RBKS: variants seen among roughly 807,000 people sequenced by gnomAD.
RBKS encodes the protein ribokinase.
RBKS carries 33 observed loss-of-function variants against 33.9 expected under a neutral mutation model. The observed-to-expected ratio is 0.97, with a 90% CI of 0.74 to 1.30. The LOEUF is 1.30. RBKS is among the 50% of genes most tolerant of loss of function. The pLI, the probability that RBKS is intolerant of heterozygous loss-of-function variation, is 0.00. For missense variants in RBKS, 361 were observed against 392.6 expected, an observed-to-expected ratio of 0.92 and a Z score of 0.68; for synonymous variants, 125 against 143.0, an observed-to-expected ratio of 0.87 and a Z score of 0.90.
intron 1 of RBKS, 52 bp from the exon 2 acceptor site, chr2:27,858,623 T>A (rs771689649): frequency 6.5e-7 from 1 of 1,534,348 alleles, no homozygotes; most frequent in South Asian, 1.1e-5. Flanking sequence ...CTGTAATCAA[T>A]TTAAGTTCTT....
At chr2:27,830,664 T>C (rs1405291400) in intron 6 of RBKS, among the ~76,000 whole-genome samples, 1 of 151,936 alleles carries the variant, frequency 6.6e-6, no homozygotes, top group African/African-American at 2.4e-5. Context: ...TTCATAAGCA[T>C]TTACTAAGTG....
intron 5 of RBKS, among the ~76,000 whole-genome samples, chr2:27,840,356 G>GCACGCA (rs1395574523): frequency 8.2e-6 from 1 of 121,560 alleles, no homozygotes; most frequent in African/African-American, 3.1e-5. Context: ...ACACACACAC[G>GCACGCA]CGCGCGCGCA....
intron 1 of RBKS, among the ~76,000 whole-genome samples, chr2:27,869,358 TTTAAC>T (rs766153507): frequency 6.6e-6 from 1 of 152,216 alleles, no homozygotes; most frequent in Admixed American, 6.5e-5. Flanking sequence ...TGTTATCAAA[TTTAAC>T]TTTTCTTCTT....
At chr2:27,845,009 G>A (rs535810139) in intron 4 of RBKS, among the ~76,000 whole-genome samples, 13 of 152,274 alleles carry the variant, frequency 8.5e-5, no homozygotes, top group African/African-American at 3.1e-4. Context: ...TTGGCCACGA[G>A]GAAGACTTAA....
chr2:27,881,553 T>C (rs1158918325), intron 1 of RBKS, among the ~76,000 whole-genome samples: 1 of 150,118 alleles, frequency 6.7e-6, no homozygotes, highest in African/African-American at 2.5e-5. Context: ...AATAAATAAA[T>C]AAATAAAATA....
chr2:27,836,943 G>C (rs913605375), intron 5 of RBKS, among the ~76,000 whole-genome samples: 1 of 150,666 alleles, frequency 6.6e-6, no homozygotes, highest in Non-Finnish European at 1.5e-5. Context: ...AAACTATAAT[G>C]AGATACCATC....
chr2:27,804,613 G>C (rs1397178147), intron 7 of RBKS, among the ~76,000 whole-genome samples: 1 of 152,198 alleles, frequency 6.6e-6, no homozygotes, highest in Non-Finnish European at 1.5e-5. Context: ...GTGTTGGCCA[G>C]GTGGTTCTGT....
At chr2:27,820,130 C>A (rs919101236) in intron 7 of RBKS, among the ~76,000 whole-genome samples, 3 of 152,244 alleles carry the variant, frequency 2.0e-5, no homozygotes, top group East Asian at 1.9e-4. Flanking sequence ...AGATGTGGCT[C>A]CAAATAGCTT....
intron 7 of RBKS, chr2:27,809,857 C>A: frequency 2.6e-6 from 3 of 1,141,150 alleles, no homozygotes; most frequent in Non-Finnish European, 3.5e-6. Flanking sequence ...GGTTCCACTT[C>A]TGCTGATGCA....
chr2:27,875,913 G>T (rs1239258018), intron 1 of RBKS, among the ~76,000 whole-genome samples: 1 of 151,986 alleles, frequency 6.6e-6, no homozygotes, highest in East Asian at 1.9e-4. Context: ...TGCATAAGAG[G>T]ACATAAAAGA....
Position 27,827,603 on chromosome 2 carries a change from G to C in RBKS, c.759C>G (p.His253Gln). ...VLSQTEPEPK[H>Q]IPTEKVKAVD... is the part of the protein sequence containing the mutation. ...CAGCCTTGACTTTCTCTGTGGGAAT[G>C]TGCTTTGGCTCAGGTTCTGTCTGTG... is the stretch of plus-strand genomic sequence containing the variant. The change falls in exon 7 of 8, where the codon CAC (histidine) becomes CAG (glutamine). Residue 253 changes from histidine (H) to glutamine (Q), a missense_variant. Coordinates refer to ENST00000302188, the MANE Select transcript of RBKS (RefSeq NM_022128.3). 6.2e-7 allele frequency: 1 copy of C among 1,602,964 alleles called. No individual in the cohort carries two copies. The highest frequency in any genetic ancestry group is 8.5e-7 in the Non-Finnish European group (1 of 1,176,154).
At chr2:27,832,861 C>A in intron 5 of RBKS, 84 bp from the exon 6 acceptor site, 1 of 903,506 alleles carries the variant, frequency 1.1e-6, no homozygotes. Context: ...TAGGGAAAAT[C>A]CCCGAGTTCG....
At chr2:27,875,830 C>A (rs897782838) in intron 1 of RBKS, among the ~76,000 whole-genome samples, 2 of 152,090 alleles carry the variant, frequency 1.3e-5, no homozygotes, top group African/African-American at 4.8e-5. Context: ...CTTGCCTGTA[C>A]AGACACATTT....
At chr2:27,820,922 C>T (rs1678191403) in intron 7 of RBKS, among the ~76,000 whole-genome samples, 1 of 151,606 alleles carries the variant, frequency 6.6e-6, no homozygotes, top group South Asian at 2.1e-4. Context: ...TGCCTGTAAT[C>T]CCAGCTACTT....
chr2:27,827,780 A>G, intron 6 of RBKS, 25 bp from the exon 7 acceptor site: 1 of 1,528,358 alleles, frequency 6.5e-7, no homozygotes, highest in Admixed American at 2.3e-5. Context: ...AGTCAACAGA[A>G]ACAGTGGTGA....
At position 27,890,105 on chromosome 2, in the gene RBKS, G is replaced by T; in HGVS notation, c.89+152C>A. The stretch of plus-strand genomic sequence containing the variant: ...ACTCAAGTTCTTTCATGCCAGGAAG[G>T]TAGGCTGAAGGCTTCGAAAACCTGC... On this transcript the variant is annotated intron_variant, in intron 1 of 7. Coordinates refer to ENST00000302188, the MANE Select transcript of RBKS (RefSeq NM_022128.3). The surrounding 1 kb of genome is among the most constrained non-coding windows in gnomAD (Gnocchi z 4.8). 1.6e-6 allele frequency: 1 copy of T among 624,596 alleles called. No individual in the cohort carries two copies. The highest frequency in any genetic ancestry group is 2.8e-6 in the Non-Finnish European group (1 of 359,706). 38.7% of individuals were successfully genotyped at this position (624,596 alleles called of 1,614,324 possible).
chr2:27,867,923 T>C (rs1664132664), intron 1 of RBKS, among the ~76,000 whole-genome samples: 4 of 152,332 alleles, frequency 2.6e-5, no homozygotes, highest in African/African-American at 9.6e-5. Context: ...AAGTCATTTG[T>C]CAAAAGTTCC....
intron 4 of RBKS, among the ~76,000 whole-genome samples, chr2:27,844,552 C>G (rs983771849): frequency 6.6e-6 from 1 of 151,900 alleles, no homozygotes; most frequent in African/African-American, 2.4e-5. Flanking sequence ...GCCGCCACGC[C>G]TGGCTAATTT....
intron 7 of RBKS, among the ~76,000 whole-genome samples, chr2:27,823,971 C>T (rs560220111): frequency 1.3e-5 from 2 of 152,234 alleles, no homozygotes; most frequent in African/African-American, 2.4e-5. Flanking sequence ...CAAGCTTGTC[C>T]GACCATTACC....
Sources: allele counts gnomAD v4.1 joint callset (sites outside exome capture counted in the v4.1 genomes callset), GRCh38; gene constraint gnomAD v4.1.1; non-coding constraint Gnocchi (gnomAD v3.1); transcripts MANE v1.5; gene names NCBI Gene and HGNC (gene_info 2026-07-23, HGNC 2026-07-21).